PDE4DIP: variants seen among roughly 807,000 people sequenced by gnomAD.
PDE4DIP encodes the protein myomegalin.
PDE4DIP carries 59 observed loss-of-function variants against 221.4 expected under a neutral mutation model. That is an observed-to-expected ratio of 0.27 (90% CI 0.22 to 0.33). The LOEUF (loss-of-function observed/expected upper bound fraction) is 0.33, where lower values mean the gene tolerates loss of function less well. Ranked by LOEUF, PDE4DIP falls within the 10% of genes least tolerant of loss-of-function variation. PDE4DIP has a pLI of 1.00. For missense variants in PDE4DIP, 1,036 were observed against 2,154.2 expected (o/e 0.48, Z 10.28); for synonymous variants, 404 against 815.9 (o/e 0.50, Z 8.60).
chr1:148,978,526 T>C, intron 19 of PDE4DIP, 111 bp downstream of exon 22: 1 of 692,288 alleles, frequency 1.4e-6, no homozygotes, highest in Non-Finnish European at 2.4e-6. Context: ...AGTCTTGAAC[T>C]CCTGACTGCA....
intron 1 of PDE4DIP, chr1:148,844,504 G>A (rs1675963637): frequency 8.9e-6 from 1 of 112,622 alleles, no homozygotes; most frequent in Non-Finnish European, 1.7e-5. Flanking sequence ...ACAGCCCCGG[G>A]CGCCGCGCCG....
chr1:148,934,630 G>A (rs2048790329), intron 4 of PDE4DIP, among the ~76,000 whole-genome samples: 1 of 152,128 alleles, frequency 6.6e-6, no homozygotes, highest in South Asian at 2.1e-4. Flanking sequence ...TTGAGATGGA[G>A]TCTCGCTCTG....
At chr1:148,978,744 G>A (rs1379713427) in intron 19 of PDE4DIP, among the ~76,000 whole-genome samples, 33 of 151,992 alleles carry the variant, frequency 2.2e-4, no homozygotes, top group African/African-American at 7.2e-4. Context: ...CACCACGCCC[G>A]GCTCAAACCT....
Position 149,032,118 on chromosome 1 carries a change from C to T in PDE4DIP, c.*133C>T, listed in dbSNP as rs2076907777. The T allele has an allele frequency of 2.6e-6, 4 of 1,562,136 alleles. No individual in the cohort carries two copies. The Admixed American group carries it at 5.5e-5, about 21-fold the overall frequency. On this transcript the variant is annotated 3_prime_UTR_variant, in exon 44 of 44. Transcript: ENST00000369354. ...GCATCTGGGCCTCATTCCTCCAAGT[C>T]CACGGGAGGGTCCAGAAGAGGGAGT...
At chr1:149,023,909 A>G (rs1430679523) in intron 37 of PDE4DIP, among the ~76,000 whole-genome samples, 1 of 150,726 alleles carries the variant, frequency 6.6e-6, no homozygotes, top group Non-Finnish European at 1.5e-5. Flanking sequence ...GTGTATATAT[A>G]TGTACACACA....
chr1:149,032,352 A>G, exon 44 of PDE4DIP: 1 of 548,706 alleles, frequency 1.8e-6, no homozygotes, highest in South Asian at 2.1e-5. Flanking sequence ...CCTGAGATGG[A>G]AAACTCAGTG....
At chr1:148,820,508 C>T (rs1244089466) in intron 1 of PDE4DIP, among the ~76,000 whole-genome samples, 1 of 139,436 alleles carries the variant, frequency 7.2e-6, no homozygotes, top group Admixed American at 7.5e-5. Context: ...GCGTAGGTTG[C>T]AGTGAGCCAG....
chr1:148,828,580 A>G (rs1359555048), intron 1 of PDE4DIP, among the ~76,000 whole-genome samples: 2 of 151,524 alleles, frequency 1.3e-5, no homozygotes, highest in African/African-American at 4.8e-5. Context: ...CCCTAACATC[A>G]GTCCCTTCAA....
At chr1:148,952,140 T>G (rs1290406327) in intron 5 of PDE4DIP, 57 of 1,030,652 alleles carry the variant, frequency 5.5e-5, no homozygotes, top group Non-Finnish European at 6.7e-5. Flanking sequence ...TTGAGGGCAC[T>G]GGTGCGACTT....
At chr1:148,990,145 G>T in intron 21 of PDE4DIP, 1 of 842,598 alleles carries the variant, frequency 1.2e-6, no homozygotes, top group Non-Finnish European at 1.4e-6. Context: ...GCACTTCCAT[G>T]AGATCAGCCT....
intron 14 of PDE4DIP, among the ~76,000 whole-genome samples, chr1:148,969,906 A>G (rs587742641): frequency 0.013 from 1,948 of 152,184 alleles, 37 homozygotes; most frequent in African/African-American, 0.041. Flanking sequence ...GGGTTTCACC[A>G]TGTTGGCCAG....
At chr1:148,952,076 C>T (rs1284542200) in intron 5 of PDE4DIP, 6 of 1,014,892 alleles carry the variant, frequency 5.9e-6, no homozygotes, top group African/African-American at 5.1e-5. Flanking sequence ...GGGGATTCGT[C>T]TTTCTCCTCC....
intron 5 of PDE4DIP, chr1:148,953,940 A>G (rs1160029466): frequency 6.5e-7 from 1 of 1,528,672 alleles, no homozygotes; most frequent in Non-Finnish European, 8.9e-7. Context: ...CTTTCTGATT[A>G]TAGCTAGCTG....
chr1:148,990,475 G>A (rs2062809914), intron 21 of PDE4DIP: 1 of 316,312 alleles, frequency 3.2e-6, no homozygotes, highest in Admixed American at 6.5e-5. Flanking sequence ...CTCAACAGAA[G>A]GTTCTTTGGT....
chr1:149,015,577 A>G (rs1553609794), intron 32 of PDE4DIP, among the ~76,000 whole-genome samples: 3 of 152,256 alleles, frequency 2.0e-5, no homozygotes, highest in African/African-American at 4.8e-5. Flanking sequence ...GGAAAGGCCT[A>G]TGATTTCAAA....
intron 5 of PDE4DIP, chr1:148,952,032 C>G: frequency 3.0e-6 from 3 of 1,007,814 alleles, no homozygotes; most frequent in Non-Finnish European, 3.6e-6. Context: ...CCGCTGGCAG[C>G]CGGAGGACGT....
chr1:148,820,396 C>G (rs1553359428), intron 1 of PDE4DIP, among the ~76,000 whole-genome samples: 1 of 145,192 alleles, frequency 6.9e-6, no homozygotes, highest in African/African-American at 2.6e-5. Flanking sequence ...GTGAAACCCC[C>G]TCTCTACTAA....
intron 1 of PDE4DIP, among the ~76,000 whole-genome samples, chr1:148,898,804 G>A (rs587712457): frequency 1.9e-5 from 2 of 102,730 alleles, no homozygotes; most frequent in Non-Finnish European, 3.7e-5. Flanking sequence ...TTACAGGCAT[G>A]AGCCACCATG....
In PDE4DIP at chr1:149,012,630, C is replaced by G. The variant is rs782591372; in HGVS notation, c.5120C>G (p.Pro1707Arg). 1.9e-6 allele frequency: 3 copies of G among 1,610,602 alleles called. No individual in the cohort carries two copies. The African/African-American group carries it at 4.0e-5, about 22-fold the overall frequency. Reference sequence around the variant, plus strand: ...TCCATACCCAAGCTGGCTAGCCTTCCTCAGGCACCATTGCCCTCAGCTCCA... The same window carrying G: ...TCCATACCCAAGCTGGCTAGCCTTCGTCAGGCACCATTGCCCTCAGCTCCA... Residue 1707 changes from proline (P) to arginine (R), a missense_variant, in exon 32 of 44, where the codon CCT becomes CGT. Pro to Arg is a moderately radical substitution (Grantham distance 103, BLOSUM62 -2). Transcript: ENST00000369354.
Sources: allele counts gnomAD v4.1 joint callset (sites outside exome capture counted in the v4.1 genomes callset), GRCh38; gene constraint gnomAD v4.1.1; transcripts MANE v1.5; gene names NCBI Gene and HGNC (gene_info 2026-07-23, HGNC 2026-07-21).